AGPAT5: variants seen among roughly 807,000 people sequenced by gnomAD.
AGPAT5 encodes the protein 1-acylglycerol-3-phosphate O-acyltransferase 5, also known as 1-acyl-sn-glycerol-3-phosphate acyltransferase epsilon.
In AGPAT5, 46 loss-of-function variants were observed where a neutral mutation model predicts 45.6. The observed-to-expected ratio is 1.01, with a 90% CI of 0.80 to 1.29. AGPAT5 has a LOEUF of 1.29. AGPAT5 is among the 50% of genes most tolerant of loss of function. The pLI is 0.00. For synonymous variants in AGPAT5, 272 were observed against 167.0 expected, an observed-to-expected ratio of 1.63 and a Z score of -4.85; for missense variants, 673 against 450.7, an observed-to-expected ratio of 1.49 and a Z score of -4.47.
At chr8:6,720,421 CA>C (rs1238924880) in intron 1 of AGPAT5, among the ~76,000 whole-genome samples, 1 of 152,188 alleles carries the variant, frequency 6.6e-6, no homozygotes, top group Non-Finnish European at 1.5e-5. Flanking sequence ...CAGTGCTTGT[CA>C]AGGGGCGTTA....
At chr8:6,748,349 CTTAG>C (rs1801548595) in intron 6 of AGPAT5, among the ~76,000 whole-genome samples, 1 of 152,034 alleles carries the variant, frequency 6.6e-6, no homozygotes, top group African/African-American at 2.4e-5. Context: ...AGCAGGATAA[CTTAG>C]TTAAACTAAC....
At chr8:6,735,131 A>ATG (rs1801004326) in intron 4 of AGPAT5, among the ~76,000 whole-genome samples, 1 of 152,104 alleles carries the variant, frequency 6.6e-6, no homozygotes, top group Non-Finnish European at 1.5e-5. Context: ...TGTGCCCAGT[A>ATG]TGTATTCCTG....
rs990805900 is a variant in AGPAT5 at position 6,743,322 on chromosome 8, C to T, written c.586+1571C>T. 2.6e-5 allele frequency among the ~76,000 whole-genome samples: 4 copies of T among 152,214 alleles called. No homozygotes were observed. In the East Asian group the frequency reaches 7.7e-4, roughly 29 times the overall value. On this transcript the variant is annotated intron_variant, in intron 5 of 7. Transcript: ENST00000285518. Reference sequence around the variant, plus strand: ...GCTGATGACTCGCAAAAGCTTCCTCCCCTCCATGTCTCTCTGCCTAACTCT... The same window carrying T: ...GCTGATGACTCGCAAAAGCTTCCTCTCCTCCATGTCTCTCTGCCTAACTCT...
intron 1 of AGPAT5, among the ~76,000 whole-genome samples, chr8:6,712,914 T>C (rs1457320996): frequency 6.6e-6 from 1 of 152,228 alleles, no homozygotes; most frequent in Non-Finnish European, 1.5e-5. Flanking sequence ...AAAATTTCTT[T>C]TCCCCCATTC....
intron 4 of AGPAT5, among the ~76,000 whole-genome samples, chr8:6,735,777 A>G (rs1467287453): frequency 3.9e-5 from 6 of 152,082 alleles, no homozygotes; most frequent in Non-Finnish European, 4.4e-5. Context: ...ATAAATTTCA[A>G]AACTTGGAAC....
intron 2 of AGPAT5, among the ~76,000 whole-genome samples, chr8:6,725,773 A>G (rs56284142): frequency 0.021 from 3,262 of 152,324 alleles, 118 homozygotes; most frequent in African/African-American, 0.074. Context: ...TAGAAGCTCA[A>G]AGCTGGAAAC....
chr8:6,750,561 T>A (rs1471025894), intron 6 of AGPAT5, among the ~76,000 whole-genome samples: 1 of 152,144 alleles, frequency 6.6e-6, no homozygotes, highest in African/African-American at 2.4e-5. Flanking sequence ...ACAACCTAGA[T>A]CATAGAAAAG....
intron 1 of AGPAT5, among the ~76,000 whole-genome samples, chr8:6,719,667 C>CT (rs1249657921): frequency 6.6e-6 from 1 of 152,188 alleles, no homozygotes; most frequent in African/African-American, 2.4e-5. Context: ...TAGCCTCCAG[C>CT]TTTACCACCC....
chr8:6,709,045 C>G (rs777170599), intron 1 of AGPAT5, 158 bp downstream of exon 1: 2 of 769,240 alleles, frequency 2.6e-6, no homozygotes, highest in East Asian at 2.7e-5. Context: ...CCGCATGCTT[C>G]CTGCCGTTCT....
At chr8:6,714,332 T>C (rs899720976) in intron 1 of AGPAT5, among the ~76,000 whole-genome samples, 1 of 152,212 alleles carries the variant, frequency 6.6e-6, no homozygotes, top group Admixed American at 6.5e-5. Flanking sequence ...TAAAAACTTT[T>C]ACTATAGGAA....
At chr8:6,734,436 A>T (rs192342574) in intron 4 of AGPAT5, among the ~76,000 whole-genome samples, 14 of 151,880 alleles carry the variant, frequency 9.2e-5, no homozygotes, top group African/African-American at 3.1e-4. Flanking sequence ...CATTCCTCAC[A>T]TTTCCCTTTG....
In AGPAT5 at chr8:6,757,494, C is replaced by A. The variant is rs976677196; in HGVS notation, c.*106C>A. 2.6e-5 allele frequency: 22 copies of A among 862,636 alleles called. No individual in the cohort carries two copies. The South Asian group carries it at 3.4e-4, about 13-fold the overall frequency. The allele number at this position is 862,636 out of a possible 1,614,324, so 53.4% of individuals were successfully genotyped here. ...AATTTATTAAGGAGTGTAAATAAAG[C>A]CTTGTTGATTGAAGATTGGATAATA... is the stretch of plus-strand genomic sequence containing the variant. On this transcript the variant is annotated 3_prime_UTR_variant, in exon 8 of 8. Transcript: ENST00000285518.
chr8:6,718,110 G>A (rs1193367808), intron 1 of AGPAT5, among the ~76,000 whole-genome samples: 2 of 152,132 alleles, frequency 1.3e-5, no homozygotes, highest in Non-Finnish European at 2.9e-5. Flanking sequence ...TCAGTGAATG[G>A]TACATCATAG....
intron 2 of AGPAT5, among the ~76,000 whole-genome samples, chr8:6,728,443 A>T (rs1180045543): frequency 6.6e-6 from 1 of 152,234 alleles, no homozygotes; most frequent in Non-Finnish European, 1.5e-5. Context: ...TAGTTAAGCT[A>T]GTTCTTAAAT....
chr8:6,755,695 A>G (rs915942990), intron 7 of AGPAT5, among the ~76,000 whole-genome samples: 3 of 152,214 alleles, frequency 2.0e-5, no homozygotes, highest in Non-Finnish European at 1.5e-5. Context: ...ATTTTAGCCA[A>G]TTGTTTTATT....
intron 4 of AGPAT5, among the ~76,000 whole-genome samples, chr8:6,740,683 G>A (rs747724125): frequency 1.3e-5 from 2 of 151,962 alleles, no homozygotes; most frequent in Non-Finnish European, 2.9e-5. Context: ...AAAAAATTCA[G>A]TACCACATAG....
intron 1 of AGPAT5, among the ~76,000 whole-genome samples, chr8:6,713,561 C>G (rs1222452989): frequency 6.6e-6 from 1 of 151,978 alleles, no homozygotes; most frequent in Non-Finnish European, 1.5e-5. Context: ...AGGATTCATA[C>G]TTTTTTTTGT....
At chr8:6,748,660 A>C (rs932621418) in intron 6 of AGPAT5, among the ~76,000 whole-genome samples, 1 of 152,160 alleles carries the variant, frequency 6.6e-6, no homozygotes, top group African/African-American at 2.4e-5. Context: ...GTGTGCCACC[A>C]TGCATGACTA....
At chr8:6,731,304 C>A (rs1470602148) in intron 3 of AGPAT5, among the ~76,000 whole-genome samples, 1 of 151,996 alleles carries the variant, frequency 6.6e-6, no homozygotes, top group Middle Eastern at 3.2e-3. Flanking sequence ...TCTGATTATC[C>A]ATATGCGGTT....
Sources: allele counts gnomAD v4.1 joint callset (sites outside exome capture counted in the v4.1 genomes callset), GRCh38; gene constraint gnomAD v4.1.1; transcripts MANE v1.5; gene names NCBI Gene and HGNC (gene_info 2026-07-23, HGNC 2026-07-21).